GBP3: variants seen among roughly 807,000 people sequenced by gnomAD.
GBP3 encodes the protein guanylate-binding protein 3.
Under a neutral mutation model 62.4 loss-of-function variants are expected in GBP3, and 55 were observed. The ratio of observed to expected loss-of-function variants is 0.88; its 90% CI spans 0.71 to 1.10. The LOEUF (loss-of-function observed/expected upper bound fraction) is 1.10. Ranked by LOEUF, GBP3 falls within the 50% of genes least tolerant of loss-of-function variation. The probability of loss-of-function intolerance (pLI) is 0.00; values close to 1 mark genes in which losing one functional copy is unlikely to be tolerated. For missense variants in GBP3, 605 were observed against 690.6 expected, an observed-to-expected ratio of 0.88 and a Z score of 1.39; for synonymous variants, 208 against 259.2, an observed-to-expected ratio of 0.80 and a Z score of 1.90.
chr1:89,020,429 G>T, intron 2 of GBP3, 103 bp downstream of exon 2: 1 of 1,359,076 alleles, frequency 7.4e-7, no homozygotes, highest in Non-Finnish European at 1.0e-6. Flanking sequence ...TGGAAAGTTA[G>T]CTTATTCCCA....
intron 1 of GBP3, among the ~76,000 whole-genome samples, chr1:89,021,503 C>CGCGT (rs1284540049): frequency 1.1e-5 from 1 of 89,430 alleles, no homozygotes; most frequent in Non-Finnish European, 2.5e-5. Context: ...CACGCATGCG[C>CGCGT]GCGCGCGCAC....
At position 89,010,755 on chromosome 1, in the gene GBP3, A is replaced by T; in HGVS notation, c.1362+149T>A. 2 of 1,027,048 alleles carry T rather than the reference A, an allele frequency of 1.9e-6. 1 individual carries two copies. The highest frequency in any genetic ancestry group is 2.8e-6 in the Non-Finnish European group (2 of 707,788). The allele number at this position is 1,027,048 out of a possible 1,614,324, so 63.6% of individuals were successfully genotyped here. A position where few individuals can be genotyped will look rare whatever the true frequency, so the allele number is the denominator to read the frequency against. ...GCACCTGGGACATACCTGATATAAC[A>T]GTCTCCCTCCCTGCATATGTTATTG... On this transcript the variant is annotated intron_variant, in intron 8 of 10. Coordinates refer to ENST00000370481, the MANE Select transcript of GBP3 (RefSeq NM_018284.3).
chr1:89,006,762 T>G lies in GBP3; in HGVS notation c.*962A>C, dbSNP rs1678239839. The G allele has an allele frequency of 6.6e-6, 1 of 152,236 alleles. No homozygotes were observed. The highest frequency in any genetic ancestry group is 2.4e-5 in the African/African-American group (1 of 41,474). 9.4% of individuals were successfully genotyped at this position (152,236 alleles called of 1,614,324 possible). A position where few individuals can be genotyped will look rare whatever the true frequency, so the allele number is the denominator to read the frequency against. ...AATGTCAACCACTTACCTAGGATGT[T>G]TGACAATTGGGATGAAGTCTACATA... On this transcript the variant is annotated 3_prime_UTR_variant, in exon 11 of 11. Transcript: ENST00000370481.
chr1:89,020,402 A>G (rs1401087251), intron 2 of GBP3, 130 bp downstream of exon 2: 1 of 1,030,298 alleles, frequency 9.7e-7, no homozygotes, highest in South Asian at 1.4e-5. Context: ...AGTGAAGATA[A>G]GGAGCCCAAC....
chr1:89,017,547 A>G (rs920422958), intron 2 of GBP3, among the ~76,000 whole-genome samples: 6 of 152,240 alleles, frequency 3.9e-5, no homozygotes, highest in African/African-American at 1.4e-4. Context: ...ATGGAATGGA[A>G]GAAAACATTT....
chr1:89,022,517 A>G (rs1217100607), intron 1 of GBP3, among the ~76,000 whole-genome samples, 167 bp downstream of exon 1: 1 of 152,188 alleles, frequency 6.6e-6, no homozygotes. Flanking sequence ...ATTTTATCTG[A>G]CCTGTGTCTC....
intron 1 of GBP3, among the ~76,000 whole-genome samples, chr1:89,021,506 G>GCACACACA (rs1375981072): frequency 2.2e-4 from 13 of 58,880 alleles, no homozygotes; most frequent in Non-Finnish European, 3.9e-4. Flanking sequence ...GCATGCGCGC[G>GCACACACA]CGCGCACACA....
Position 89,010,982 on chromosome 1 carries a change from T to C in GBP3, c.1284A>G (p.Pro428=). 6.8e-7 allele frequency: 1 copy of C among 1,461,752 alleles called. No homozygotes were observed. Among genetic ancestry groups the C allele is most frequent in the South Asian group, 1.2e-5 (1 of 84,680 alleles). The allele number at this position is 1,461,752 out of a possible 1,614,324, so 90.5% of individuals were successfully genotyped here. The change falls in exon 8 of 11, where the codon CCA becomes CCG. Residue 428 remains proline, a synonymous_variant. Transcript: ENST00000370481. ...EEVKAGIYSK[P]GGYCLFIQKL... is the part of the protein sequence containing the mutation. The stretch of plus-strand genomic sequence containing the variant: ...TCTGAATAAAGAGACAATAGCCCCC[T>C]GGTTTCGAATAAATTCCCGCCTTCA...
chr1:89,011,444 T>G (rs1039310574), intron 7 of GBP3, among the ~76,000 whole-genome samples: 1 of 139,744 alleles, frequency 7.2e-6, no homozygotes, highest in Non-Finnish European at 1.6e-5. Context: ...AAATTTTCTT[T>G]GCATTTGGCT....
chr1:89,012,640 A>G (rs1678631001), intron 6 of GBP3, among the ~76,000 whole-genome samples: 1 of 138,582 alleles, frequency 7.2e-6, no homozygotes, highest in Non-Finnish European at 1.7e-5. Context: ...CCACTTGTCT[A>G]GTGGCTACTG....
intron 1 of GBP3, 100 bp from the exon 2 acceptor site, chr1:89,020,843 T>C (rs1397011494): frequency 1.1e-6 from 1 of 940,478 alleles, no homozygotes; most frequent in African/African-American, 1.7e-5. Context: ...TTTGTGTGTG[T>C]CAGTGAGAGA....
At chr1:89,020,008 G>A (rs769714665) in intron 2 of GBP3, 10 of 178,060 alleles carry the variant, frequency 5.6e-5, no homozygotes, top group Admixed American at 1.1e-4. Context: ...ATGTGAACAT[G>A]GGCAGGCGAT....
Position 89,007,397 on chromosome 1 carries a change from C to T in GBP3, c.*327G>A. ...TTCTGATATTGGGACCCATTGTACA[C>T]TTGGCCAAACCAGTGCCCAAATATG... On this transcript the variant is annotated 3_prime_UTR_variant, in exon 11 of 11. Coordinates refer to ENST00000370481, the MANE Select transcript of GBP3 (RefSeq NM_018284.3). The T allele has an allele frequency of 4.4e-6, 1 of 226,078 alleles. No homozygotes were observed. The highest frequency in any genetic ancestry group is 8.7e-6 in the Non-Finnish European group (1 of 115,466). 14.0% of individuals were successfully genotyped at this position (226,078 alleles called of 1,614,324 possible).
At chr1:89,009,208 C>A in intron 9 of GBP3, 68 bp from the exon 10 acceptor site, 1 of 1,509,262 alleles carries the variant, frequency 6.6e-7, no homozygotes, top group Non-Finnish European at 9.1e-7. Flanking sequence ...TACACTTACC[C>A]TCCATTGTTG....
At chr1:89,016,218 A>G (rs1221773605) in intron 2 of GBP3, among the ~76,000 whole-genome samples, 1 of 152,192 alleles carries the variant, frequency 6.6e-6, no homozygotes, top group Non-Finnish European at 1.5e-5. Context: ...CTACTTCAGA[A>G]TAAAATTGGC....
chr1:89,009,509 A>C lies in GBP3; in HGVS notation c.1363-15T>G. On this transcript the variant is annotated splice_polypyrimidine_tract_variant and intron_variant, in intron 8 of 10. Coordinates refer to ENST00000370481, the MANE Select transcript of GBP3 (RefSeq NM_018284.3). The stretch of plus-strand genomic sequence containing the variant: ...ATCTCTTCAGCCTTAGGACCCAGAG[A>C]ACACAGAGTGAGAAGTAGGAAATGG... The C allele has an allele frequency of 6.2e-7, 1 of 1,612,630 alleles. No homozygotes were observed. Among genetic ancestry groups the C allele is most frequent in the Non-Finnish European group, 8.5e-7 (1 of 1,179,552 alleles).
intron 9 of GBP3, 93 bp from the exon 10 acceptor site, chr1:89,009,233 T>C: frequency 7.1e-7 from 1 of 1,408,040 alleles, no homozygotes; most frequent in Non-Finnish European, 9.9e-7. Context: ...TGACTGCATA[T>C]GCCCTACTCA....
In GBP3 at chr1:89,007,680, T is replaced by A. The variant is rs1232604025; in HGVS notation, c.*44A>T. ...ACACTTGTTCCAAATTCTAAAATTG[T>A]TTCAGTTATGCCTTGGGTTAGGATG... On this transcript the variant is annotated 3_prime_UTR_variant, in exon 11 of 11. Coordinates refer to ENST00000370481, the MANE Select transcript of GBP3 (RefSeq NM_018284.3). 2 of 1,555,764 alleles carry A rather than the reference T, an allele frequency of 1.3e-6. No homozygotes were observed. The highest frequency in any genetic ancestry group is 4.5e-5 in the East Asian group (2 of 44,096).
At chr1:89,009,587 C>A in intron 8 of GBP3, 93 bp from the exon 9 acceptor site, 1 of 1,565,142 alleles carries the variant, frequency 6.4e-7, no homozygotes, top group South Asian at 1.2e-5. Flanking sequence ...TCTGAGAATT[C>A]TTCCTCTTGG....
Sources: gnomAD v4.1 joint callset for allele counts (sites outside exome capture counted in the v4.1 genomes callset) on GRCh38, gnomAD v4.1.1 for gene constraint, MANE v1.5 for transcripts, NCBI Gene and HGNC (gene_info 2026-07-23, HGNC 2026-07-21) for gene names.